The following PFKM variants were observed in gnomAD, a reference collection of about 807,000 sequenced individuals.
The protein encoded by PFKM is ATP-dependent 6-phosphofructokinase, muscle type.
A neutral mutation model predicts 95.5 loss-of-function variants in PFKM; 58 were observed. That is an observed-to-expected ratio of 0.61 (90% confidence interval 0.49 to 0.76). PFKM has a LOEUF of 0.76. Among genes scored for constraint, PFKM ranks in the 30% least tolerant of loss-of-function variants. The pLI is 0.00. For missense variants in PFKM, 678 were observed against 1,005.4 expected, an observed-to-expected ratio of 0.67 and a Z score of 4.40; for synonymous variants, 336 against 357.2, an observed-to-expected ratio of 0.94 and a Z score of 0.67.
rs1305372242 is a variant in PFKM, at chr12:48,145,008, A to T, written c.1993-23A>T. Reference sequence around the variant, plus strand: ...ACTTCATTAGAGTCCTTCCCTCTGTAATTTTTATGTTTCTTTCTCCAGGGT... The same window carrying T: ...ACTTCATTAGAGTCCTTCCCTCTGTTATTTTTATGTTTCTTTCTCCAGGGT... On this transcript the variant is annotated intron_variant, in intron 20 of 22. Transcript: ENST00000359794. The surrounding 1 kb of genome is among the most constrained non-coding windows in gnomAD (Gnocchi z 4.3). 2.0e-6 allele frequency: 3 copies of T among 1,530,250 alleles called. No homozygotes were observed. The highest frequency in any genetic ancestry group is 2.7e-6 in the Non-Finnish European group (3 of 1,103,860). 94.8% of individuals were successfully genotyped at this position (1,530,250 alleles called of 1,614,324 possible). A position where few individuals can be genotyped will look rare whatever the true frequency, so the allele number is the denominator to read the frequency against.
chr12:48,111,400 A>G (rs1404329458), intron 3 of PFKM, among the ~76,000 whole-genome samples: 1 of 152,230 alleles, frequency 6.6e-6, no homozygotes, highest in Non-Finnish European at 1.5e-5. Flanking sequence ...GGCATTAATG[A>G]TGGAGGACCT....
intron 2 of PFKM, among the ~76,000 whole-genome samples, chr12:48,125,134 G>A (rs150777228): frequency 4.5e-4 from 68 of 152,188 alleles, no homozygotes; most frequent in East Asian, 1.5e-3. Context: ...GGCTGATGCC[G>A]TACCAAATCC....
upstream of PFKM, among the ~76,000 whole-genome samples, chr12:48,116,827 T>A (rs1412023595): frequency 6.6e-6 from 1 of 152,266 alleles, no homozygotes; most frequent in East Asian, 1.9e-4. Context: ...ACACTTGTGA[T>A]AATTGATAAC....
chr12:48,142,703 A>G, intron 17 of PFKM, 79 bp from the exon 18 acceptor site: 1 of 1,341,402 alleles, frequency 7.5e-7, no homozygotes, highest in Non-Finnish European at 1.1e-6. Context: ...CCAGGGTTTA[A>G]TTAATGGCAA....
chr12:48,121,001 A>T (rs1349970991), intron 1 of PFKM, among the ~76,000 whole-genome samples: 1 of 152,142 alleles, frequency 6.6e-6, no homozygotes, highest in Admixed American at 6.5e-5. Context: ...AAATACAAAA[A>T]TTAGCCGGGT....
chr12:48,106,119 G>A (rs1045686477), exon 1 of PFKM: 1 of 702,570 alleles, frequency 1.4e-6, no homozygotes, highest in Non-Finnish European at 2.6e-6. Context: ...CGCCTTCACA[G>A]CACCGGAAGA....
In PFKM at chr12:48,140,715, T is replaced by C. The variant is rs1445315219; in HGVS notation, c.1192-7T>C. 23 of 1,614,022 alleles carry C rather than the reference T, an allele frequency of 1.4e-5. No homozygotes were observed. The highest frequency in any genetic ancestry group is 8.3e-5 in the Admixed American group (5 of 60,002). ...GTCCTCATTTTTCCCTGCTTCCTCC[T>C]GTATAGAGTGGTTCGCACACAGTGG... On this transcript the variant is annotated splice_region_variant and splice_polypyrimidine_tract_variant and intron_variant, in intron 13 of 22. Coordinates refer to ENST00000359794, the MANE Select transcript of PFKM (RefSeq NM_000289.6).
Position 48,145,652 on chromosome 12 carries a change from G to C in PFKM, c.2287G>C (p.Asp763His). 1.2e-6 allele frequency: 2 copies of C among 1,614,150 alleles called. No individual in the cohort carries two copies. Among genetic ancestry groups the C allele is most frequent in the Non-Finnish European group, 1.7e-6 (2 of 1,180,028 alleles). The change falls in exon 23 of 23, where the codon GAC (aspartate) becomes CAC (histidine). Residue 763 changes from aspartate to histidine, a missense_variant. Asp to His is a moderately conservative substitution (Grantham distance 81, BLOSUM62 -1). Coordinates refer to ENST00000359794, the MANE Select transcript of PFKM (RefSeq NM_000289.6). The surrounding 1 kb of genome is among the most constrained non-coding windows in gnomAD (Gnocchi z 4.3). ...GTACGAGATTGACTTGGACACTTCA[G>C]ACCATGCCCACCTGGAGCACATCAC... ...AKYEIDLDTS[D>H]HAHLEHITRK...
intron 10 of PFKM, among the ~76,000 whole-genome samples, chr12:48,136,692 C>CTTTTTTT (rs1166389532): frequency 3.2e-5 from 2 of 63,018 alleles, no homozygotes; most frequent in African/African-American, 7.6e-5. Context: ...GGGGTCGTCA[C>CTTTTTTT]TTTTTTTTTT....
upstream of PFKM, among the ~76,000 whole-genome samples, chr12:48,115,874 A>G (rs943609033): frequency 6.6e-6 from 1 of 152,152 alleles, no homozygotes; most frequent in African/African-American, 2.4e-5. Context: ...TTTTGCCAAC[A>G]TTGTGAATAA....
intron 3 of PFKM, among the ~76,000 whole-genome samples, chr12:48,114,309 A>G (rs1947477707): frequency 6.6e-6 from 1 of 152,208 alleles, no homozygotes; most frequent in Non-Finnish European, 1.5e-5. Flanking sequence ...GAAAGAGCCT[A>G]AACGCTGGCT....
chr12:48,130,263 T>A, intron 2 of PFKM, 100 bp from the exon 3 acceptor site: 1 of 817,234 alleles, frequency 1.2e-6, no homozygotes, highest in Admixed American at 1.7e-5. Flanking sequence ...CTAAATAAAG[T>A]ACTGATTCGT....
In PFKM at chr12:48,133,015, C is replaced by T; in HGVS notation, c.385C>T (p.Arg129Cys). The change falls in exon 5 of 23, where the codon CGT becomes TGT. Residue 129 changes from arginine to cysteine, a missense_variant. By Grantham distance (180) the Arg-to-Cys change is radical. Transcript: ENST00000359794. The stretch of plus-strand genomic sequence containing the variant: ...CAGCCTCACTGGGGCTGACACCTTC[C>T]GTTCTGAGTGGAGTGACTTGTTGAG... The part of the protein sequence containing the change: ...DGSLTGADTF[R>C]SEWSDLLSDL... 6.2e-6 allele frequency: 10 copies of T among 1,614,108 alleles called. No individual in the cohort carries two copies. Among genetic ancestry groups the T allele is most frequent in the Non-Finnish European group, 8.5e-6 (10 of 1,180,016 alleles).
rs1949991270 is a variant in PFKM, at chr12:48,135,512, G to T, written c.936+129G>T. The T allele has an allele frequency of 4.5e-6, 3 of 661,730 alleles. No individual in the cohort carries two copies. In the Admixed American group the frequency reaches 7.3e-5, roughly 16 times the overall value. The allele number at this position is 661,730 out of a possible 1,614,324, so 41.0% of individuals were successfully genotyped here. On this transcript the variant is annotated intron_variant, in intron 10 of 22. Coordinates refer to ENST00000359794, the MANE Select transcript of PFKM (RefSeq NM_000289.6). ...CGCATTGCCTCTCCACCAGCCTTTG[G>T]GCTGCAGTGGCCACTGACCCATTCC...
At chr12:48,111,999 C>A (rs960812831) in intron 3 of PFKM, among the ~76,000 whole-genome samples, 1 of 152,182 alleles carries the variant, frequency 6.6e-6, no homozygotes, top group Non-Finnish European at 1.5e-5. Flanking sequence ...GCAGCGGCAG[C>A]CGCTGCACAG....
intron 10 of PFKM, chr12:48,137,510 CT>C (rs1468707373): frequency 3.3e-6 from 2 of 604,708 alleles, no homozygotes; most frequent in African/African-American, 3.7e-5. Context: ...TAAGTAGAAT[CT>C]TTGGGGTTCC....
upstream of PFKM, chr12:48,118,533 A>T (rs1253944478): frequency 7.2e-6 from 11 of 1,526,250 alleles, no homozygotes; most frequent in Non-Finnish European, 8.8e-6. Context: ...GCAGTGGTAA[A>T]AGCAAGAGGA....
chr12:48,117,952 T>G (rs1236303265), upstream of PFKM, among the ~76,000 whole-genome samples: 1 of 152,184 alleles, frequency 6.6e-6, no homozygotes, highest in Non-Finnish European at 1.5e-5. Flanking sequence ...TTCAAAGATT[T>G]TCTGATTGGA....
At chr12:48,139,810 T>G in intron 12 of PFKM, 39 bp from the exon 13 acceptor site, 1 of 1,354,822 alleles carries the variant, frequency 7.4e-7, no homozygotes, top group South Asian at 1.2e-5. Flanking sequence ...CTGTGGGGAA[T>G]GGCCTGAAGA....
Sources: allele counts gnomAD v4.1 joint callset (sites outside exome capture counted in the v4.1 genomes callset), GRCh38; gene constraint gnomAD v4.1.1; non-coding constraint Gnocchi (gnomAD v3.1); transcripts MANE v1.5; gene names NCBI Gene and HGNC (gene_info 2026-07-23, HGNC 2026-07-21).